PRKCI: variants seen among roughly 807,000 people sequenced by gnomAD.
The protein encoded by PRKCI is protein kinase C iota type.
A neutral mutation model predicts 84.0 loss-of-function variants in PRKCI; 43 were observed. The ratio of observed to expected loss-of-function variants is 0.51; its 90% CI spans 0.40 to 0.66. The LOEUF (loss-of-function observed/expected upper bound fraction) is 0.66, where lower values mean the gene tolerates loss of function less well. Among genes scored for constraint, PRKCI ranks in the 30% least tolerant of loss-of-function variants. The probability of loss-of-function intolerance (pLI) is 0.00; values close to 1 mark genes in which losing one functional copy is unlikely to be tolerated. For synonymous variants in PRKCI, 216 were observed against 234.4 expected (o/e 0.92, Z 0.72); for missense variants, 459 against 745.6 (o/e 0.62, Z 4.48).
At chr3:170,271,359 A>G (rs1734001524) in intron 6 of PRKCI, among the ~76,000 whole-genome samples, 1 of 152,328 alleles carries the variant, frequency 6.6e-6, no homozygotes. Flanking sequence ...AATCTCAGAC[A>G]TATTTCAGTA....
chr3:170,266,482 CTAATCGTAAG>C (rs1258322841), intron 4 of PRKCI, among the ~76,000 whole-genome samples: 1 of 151,294 alleles, frequency 6.6e-6, no homozygotes, highest in Non-Finnish European at 1.5e-5. Flanking sequence ...AATACTGCCT[CTAATCGTAAG>C]TAAACAGACA....
chr3:170,244,103 T>C (rs547225818), intron 2 of PRKCI, among the ~76,000 whole-genome samples: 1 of 152,224 alleles, frequency 6.6e-6, no homozygotes, highest in Non-Finnish European at 1.5e-5. Flanking sequence ...GTCTGTTGAT[T>C]CCCATGAGAT....
At chr3:170,250,821 A>G (rs530463648) in intron 2 of PRKCI, among the ~76,000 whole-genome samples, 2 of 152,300 alleles carry the variant, frequency 1.3e-5, no homozygotes, top group Admixed American at 1.3e-4. Context: ...GCAGTGTATG[A>G]GAATTCCAAT....
intron 2 of PRKCI, among the ~76,000 whole-genome samples, chr3:170,254,100 A>G (rs1167362712): frequency 2.0e-5 from 3 of 151,998 alleles, no homozygotes; most frequent in Non-Finnish European, 4.4e-5. Context: ...CGTTTCCAAA[A>G]AAAAAAAAGG....
intron 14 of PRKCI, 52 bp from the exon 15 acceptor site, chr3:170,295,859 G>T: frequency 8.9e-7 from 1 of 1,123,140 alleles, no homozygotes; most frequent in Non-Finnish European, 1.3e-6. Context: ...GAAGAAAAAA[G>T]ATTAAAGCCA....
intron 1 of PRKCI, among the ~76,000 whole-genome samples, chr3:170,224,162 C>T (rs868380728): frequency 1.4e-5 from 2 of 146,950 alleles, no homozygotes; most frequent in East Asian, 4.1e-4. Context: ...TGAGAACATG[C>T]GGTGTTTGGT....
At chr3:170,229,654 A>G (rs115658314) in intron 1 of PRKCI, among the ~76,000 whole-genome samples, 3,225 of 152,198 alleles carry the variant, frequency 0.021, 36 homozygotes, top group South Asian at 0.038. Context: ...GTCTTCATCA[A>G]CTCACTATTT....
At chr3:170,223,626 T>A (rs762133748) in intron 1 of PRKCI, among the ~76,000 whole-genome samples, 20 of 152,314 alleles carry the variant, frequency 1.3e-4, no homozygotes, top group African/African-American at 2.6e-4. Flanking sequence ...TGAATTTTTT[T>A]TTGAGATAAT....
intron 7 of PRKCI, among the ~76,000 whole-genome samples, chr3:170,274,008 A>AT (rs1187686065): frequency 3.3e-5 from 5 of 151,944 alleles, no homozygotes; most frequent in Admixed American, 3.3e-4. Flanking sequence ...ACAAATGACT[A>AT]TTTTTTCTAG....
rs1391165471 is a variant in PRKCI at position 170,284,521 on chromosome 3, T to C, written c.1128T>C (p.Tyr376=). ...LNYLHERGII[Y]RDLKLDNVLL... is the part of the protein sequence containing the mutation. ...ATCTTCATGAGCGAGGGATAATTTA[T>C]AGAGATTTGAAACTGGACAATGTAT... is the stretch of plus-strand genomic sequence containing the variant. Residue 376 remains tyrosine, a synonymous_variant, in exon 12 of 18, where the codon TAT becomes TAC. Coordinates refer to ENST00000295797, the MANE Select transcript of PRKCI (RefSeq NM_002740.6). 28 of 1,607,426 alleles carry C rather than the reference T, an allele frequency of 1.7e-5. No individual in the cohort carries two copies. The highest frequency in any genetic ancestry group is 2.2e-5 in the Non-Finnish European group (26 of 1,174,520).
chr3:170,250,714 T>G (rs1733423316), intron 2 of PRKCI, among the ~76,000 whole-genome samples: 1 of 152,192 alleles, frequency 6.6e-6, no homozygotes, highest in South Asian at 2.1e-4. Context: ...GGTTACAACT[T>G]TTTGTGTGAA....
chr3:170,252,757 T>G (rs542691148), intron 2 of PRKCI, among the ~76,000 whole-genome samples: 2 of 152,114 alleles, frequency 1.3e-5, no homozygotes, highest in Admixed American at 6.6e-5. Context: ...TTCCTGGCTG[T>G]TTTTTAAAAT....
intron 1 of PRKCI, among the ~76,000 whole-genome samples, chr3:170,228,640 CATAT>C (rs766505873): frequency 6.0e-4 from 89 of 147,790 alleles, no homozygotes; most frequent in African/African-American, 2.2e-3. Context: ...CACACACACA[CATAT>C]ACATACACAC....
At chr3:170,269,483 T>C (rs1465458954) in intron 5 of PRKCI, among the ~76,000 whole-genome samples, 1 of 151,790 alleles carries the variant, frequency 6.6e-6, no homozygotes, top group Non-Finnish European at 1.5e-5. Context: ...TAACGTAGTG[T>C]GAGATCCCAT....
intron 12 of PRKCI, among the ~76,000 whole-genome samples, chr3:170,290,752 C>A (rs1168044757): frequency 1.3e-5 from 2 of 152,038 alleles, no homozygotes; most frequent in Non-Finnish European, 2.9e-5. Flanking sequence ...ATATTTGTTA[C>A]AATTTCTTGG....
chr3:170,272,930 C>T (rs534254142), intron 6 of PRKCI, among the ~76,000 whole-genome samples: 8 of 152,250 alleles, frequency 5.3e-5, no homozygotes, highest in African/African-American at 1.9e-4. Flanking sequence ...CCCCGGACCC[C>T]AGCTAAAGAA....
chr3:170,251,812 A>T (rs1461245757), intron 2 of PRKCI, among the ~76,000 whole-genome samples: 2 of 152,104 alleles, frequency 1.3e-5, no homozygotes, highest in Non-Finnish European at 2.9e-5. Flanking sequence ...CAGGAGGCTG[A>T]GGCAGAAGAA....
chr3:170,245,326 C>CG (rs139190713), intron 2 of PRKCI, among the ~76,000 whole-genome samples: 3,009 of 152,120 alleles, frequency 0.02, 46 homozygotes, highest in East Asian at 0.084. Flanking sequence ...CCTAAACCTA[C>CG]GGGGGTCTGT....
chr3:170,304,605 T>G lies in PRKCI; in HGVS notation c.*1478T>G, dbSNP rs1265410973. ...TCACAGTATCAGCTCTTTCAGTGAG[T>G]TTTTATTAACTAGATAACACATGTA... On this transcript the variant is annotated 3_prime_UTR_variant, in exon 18 of 18. Transcript: ENST00000295797. 6.6e-6 allele frequency: 1 copy of G among 152,070 alleles called. No homozygotes were observed. The highest frequency in any genetic ancestry group is 2.4e-5 in the African/African-American group (1 of 41,416). The allele number at this position is 152,070 out of a possible 1,614,324, so 9.4% of individuals were successfully genotyped here.
Sources: allele counts gnomAD v4.1 joint callset (sites outside exome capture counted in the v4.1 genomes callset), GRCh38; gene constraint gnomAD v4.1.1; transcripts MANE v1.5; gene names NCBI Gene and HGNC (gene_info 2026-07-23, HGNC 2026-07-21).